The following DNAJC15 variants were observed in gnomAD, a reference collection of about 807,000 sequenced individuals.
The protein encoded by DNAJC15 is dnaJ homolog subfamily C member 15.
A neutral mutation model predicts 22.4 loss-of-function variants in DNAJC15; 27 were observed. The ratio of observed to expected loss-of-function variants is 1.20; its 90% confidence interval spans 0.89 to 1.66. The LOEUF is 1.66. Among genes scored for constraint, DNAJC15 ranks in the 40% most tolerant of loss-of-function variants. The pLI is 0.00. For synonymous variants in DNAJC15, 79 were observed against 63.2 expected (o/e 1.25, Z -1.19); for missense variants, 208 against 187.1 (o/e 1.11, Z -0.65).
intron 1 of DNAJC15, among the ~76,000 whole-genome samples, chr13:43,026,209 T>C (rs1346134801): frequency 1.3e-5 from 2 of 152,248 alleles, no homozygotes; most frequent in Non-Finnish European, 2.9e-5. Context: ...CTTGCACTTA[T>C]GGAAGATTCA....
Position 43,099,707 on chromosome 13 carries a change from T to G in DNAJC15, c.383-7471T>G, listed in dbSNP as rs931774707. On this transcript the variant is annotated intron_variant, in intron 5 of 5. Coordinates refer to ENST00000379221, the MANE Select transcript of DNAJC15 (RefSeq NM_013238.3). ...TATTTTTTGGTGGTTAAACCAAACT[T>G]GCATCCCTGTGTTAAATCCCACAGG... Among the ~76,000 whole-genome samples the G allele has an allele frequency of 7.9e-5, 12 of 152,312 alleles. No homozygotes were observed. The South Asian group carries it at 1.0e-3, about 13-fold the overall frequency.
Position 43,095,740 on chromosome 13 carries a change from A to G in DNAJC15, c.382+9902A>G, listed in dbSNP as rs2040736665. Among the ~76,000 whole-genome samples, 2 of 152,176 alleles carry G rather than the reference A, an allele frequency of 1.3e-5. 1 individual carries two copies. The highest frequency in any genetic ancestry group is 4.1e-4 in the South Asian group (2 of 4,822). Reference sequence around the variant, plus strand: ...GAAAGGAATATATTTAAGGGAACCAAGTGATCAACTGGGCTGAATGCTGCT... The same window carrying G: ...GAAAGGAATATATTTAAGGGAACCAGGTGATCAACTGGGCTGAATGCTGCT... On this transcript the variant is annotated intron_variant, in intron 5 of 5. Coordinates refer to ENST00000379221, the MANE Select transcript of DNAJC15 (RefSeq NM_013238.3).
intron 1 of DNAJC15, among the ~76,000 whole-genome samples, chr13:43,023,989 G>A (rs9594863): frequency 0.28 from 41,865 of 152,060 alleles, 6,088 homozygotes; most frequent in African/African-American, 0.39. Context: ...CAGAAAACAG[G>A]CAATTGCAAA....
chr13:43,055,430 C>A (rs2040525705), intron 1 of DNAJC15, among the ~76,000 whole-genome samples: 1 of 152,134 alleles, frequency 6.6e-6, no homozygotes, highest in African/African-American at 2.4e-5. Context: ...CCCATCTCTT[C>A]AAGGGAGAGC....
intron 1 of DNAJC15, among the ~76,000 whole-genome samples, chr13:43,052,721 G>T (rs2040511166): frequency 6.6e-6 from 1 of 152,068 alleles, no homozygotes; most frequent in Non-Finnish European, 1.5e-5. Flanking sequence ...TCGGCCATTA[G>T]CATAATTTTT....
intron 2 of DNAJC15, among the ~76,000 whole-genome samples, 182 bp downstream of exon 2, chr13:43,065,919 T>A (rs2040581425): frequency 6.6e-6 from 1 of 152,212 alleles, no homozygotes; most frequent in Admixed American, 6.5e-5. Context: ...TAGATAAACT[T>A]TATAGGGAAG....
Position 43,065,811 on chromosome 13 carries a change from A to G in DNAJC15, c.160+74A>G. ...ATAGCATCTACAGTGATTCATGAGT[A>G]GACCCTTAGTATTCTGAGGTTTTGG... On this transcript the variant is annotated intron_variant, in intron 2 of 5. Coordinates refer to ENST00000379221, the MANE Select transcript of DNAJC15 (RefSeq NM_013238.3). 4 of 1,356,708 alleles carry G rather than the reference A, an allele frequency of 2.9e-6. No individual in the cohort carries two copies. In the Admixed American group the frequency reaches 6.8e-5, roughly 23 times the overall value. 84.0% of individuals were successfully genotyped at this position (1,356,708 alleles called of 1,614,324 possible).
intron 2 of DNAJC15, among the ~76,000 whole-genome samples, chr13:43,068,704 C>G (rs896160752): frequency 6.6e-6 from 1 of 151,792 alleles, no homozygotes; most frequent in African/African-American, 2.4e-5. Context: ...TGATCATAAA[C>G]TAGAACTTGA....
Position 43,108,525 on chromosome 13 carries a change from T to C in DNAJC15, c.*1277T>C, listed in dbSNP as rs1479242801. 4 of 152,366 alleles carry C rather than the reference T, an allele frequency of 2.6e-5. No individual in the cohort carries two copies. Among genetic ancestry groups the C allele is most frequent in the Admixed American group, 6.5e-5 (1 of 15,306 alleles). 9.4% of individuals were successfully genotyped at this position (152,366 alleles called of 1,614,324 possible). On this transcript the variant is annotated 3_prime_UTR_variant, in exon 6 of 6. Coordinates refer to ENST00000379221, the MANE Select transcript of DNAJC15 (RefSeq NM_013238.3). Reference sequence around the variant, plus strand: ...GTAAACTGAACTACTGCATTGTTTCTATCTTAAAATACTTTTTAGATATCC... The same window carrying C: ...GTAAACTGAACTACTGCATTGTTTCCATCTTAAAATACTTTTTAGATATCC...
intron 1 of DNAJC15, among the ~76,000 whole-genome samples, chr13:43,050,117 G>A (rs1377433650): frequency 1.3e-5 from 2 of 151,934 alleles, no homozygotes; most frequent in Admixed American, 6.6e-5. Context: ...ACGGGGTTTT[G>A]TCATGTTGGC....
At position 43,107,169 on chromosome 13, in the gene DNAJC15, T is replaced by C; in HGVS notation, c.383-9T>C. On this transcript the variant is annotated splice_polypyrimidine_tract_variant and intron_variant, in intron 5 of 5. Coordinates refer to ENST00000379221, the MANE Select transcript of DNAJC15 (RefSeq NM_013238.3). Reference sequence around the variant, plus strand: ...ATGTATTTTAATTCATTTTTCTTTGTTCTCTCAGGTGGATCTCCTTACGTA... The same window carrying C: ...ATGTATTTTAATTCATTTTTCTTTGCTCTCTCAGGTGGATCTCCTTACGTA... 1 of 1,554,358 alleles carries C rather than the reference T, an allele frequency of 6.4e-7. No homozygotes were observed. Among genetic ancestry groups the C allele is most frequent in the Non-Finnish European group, 8.6e-7 (1 of 1,156,910 alleles).
At chr13:43,030,406 C>T (rs1319676380) in intron 1 of DNAJC15, among the ~76,000 whole-genome samples, 1 of 152,152 alleles carries the variant, frequency 6.6e-6, no homozygotes, top group African/African-American at 2.4e-5. Flanking sequence ...CACACATTTA[C>T]CTGTGTAACA....
intron 1 of DNAJC15, among the ~76,000 whole-genome samples, chr13:43,060,146 A>G (rs369819328): frequency 9.2e-5 from 14 of 152,098 alleles, no homozygotes; most frequent in African/African-American, 3.1e-4. Context: ...AAAATAGTGA[A>G]GTGTTGGAGC....
rs528425525 is a variant in DNAJC15, at chr13:43,107,270, G to GA, written c.*31dup. ...TTGATGCTTAAGGACCACACTGAAG[G>GA]AAAAAAAAAGAGGGGACTTCGAAAA... On this transcript the variant is annotated 3_prime_UTR_variant, in exon 6 of 6. Transcript: ENST00000379221. 2,784 of 1,317,780 alleles carry GA rather than the reference G, an allele frequency of 2.1e-3. 10 individuals are homozygous for GA. The African/African-American group carries it at 0.025, about 12-fold the overall frequency. The allele number at this position is 1,317,780 out of a possible 1,614,324, so 81.6% of individuals were successfully genotyped here. A position where few individuals can be genotyped will look rare whatever the true frequency, so the allele number is the denominator to read the frequency against.
chr13:43,082,303 G>A (rs2040665696), intron 4 of DNAJC15, among the ~76,000 whole-genome samples: 2 of 152,024 alleles, frequency 1.3e-5, no homozygotes, highest in Non-Finnish European at 2.9e-5. Context: ...CTCTGGTCTA[G>A]GTACCATCAT....
intron 5 of DNAJC15, among the ~76,000 whole-genome samples, chr13:43,096,587 C>G (rs527710338): frequency 1.3e-5 from 2 of 152,226 alleles, no homozygotes; most frequent in South Asian, 2.1e-4. Flanking sequence ...AGATAATGCA[C>G]TAGATACTGA....
chr13:43,092,922 CAA>C lies in DNAJC15; in HGVS notation c.382+7087_382+7088del, dbSNP rs2040722413. ...GAGTGAGACCCTGTCTCAAAGAAAA[CAA>C]AACTGTTTCTTTAGTGACTGTCCAA... On this transcript the variant is annotated intron_variant, in intron 5 of 5. Transcript: ENST00000379221. Among the ~76,000 whole-genome samples the C allele has an allele frequency of 1.1e-4, 16 of 152,210 alleles. 1 individual carries two copies. The South Asian group carries it at 3.3e-3, about 32-fold the overall frequency.
intron 1 of DNAJC15, among the ~76,000 whole-genome samples, chr13:43,035,056 G>A (rs2040423141): frequency 6.6e-6 from 1 of 152,160 alleles, no homozygotes; most frequent in African/African-American, 2.4e-5. Flanking sequence ...TATAGCTGAT[G>A]AGGTAAGAGC....
chr13:43,042,266 G>A (rs909609181), intron 1 of DNAJC15, among the ~76,000 whole-genome samples: 8 of 152,130 alleles, frequency 5.3e-5, no homozygotes, highest in Non-Finnish European at 8.8e-5. Flanking sequence ...CAATGCAATG[G>A]AACAATAATA....
Sources: gnomAD v4.1 joint callset for allele counts (sites outside exome capture counted in the v4.1 genomes callset) on GRCh38, gnomAD v4.1.1 for gene constraint, MANE v1.5 for transcripts, NCBI Gene and HGNC (gene_info 2026-07-23, HGNC 2026-07-21) for gene names.